The following SORT1 variants were observed in gnomAD, a reference collection of about 807,000 sequenced individuals.
SORT1 encodes sortilin 1.
Under a neutral mutation model 101.7 loss-of-function variants are expected in SORT1, and 39 were observed. The ratio of observed to expected loss-of-function variants is 0.38; its 90% CI spans 0.30 to 0.50. The LOEUF is 0.50. Among genes scored for constraint, SORT1 ranks in the 20% least tolerant of loss-of-function variants. The pLI is 0.90. For synonymous variants in SORT1, 396 were observed against 393.7 expected, an observed-to-expected ratio of 1.01 and a Z score of -0.07; for missense variants, 878 against 1,040.4, an observed-to-expected ratio of 0.84 and a Z score of 2.15.
intron 1 of SORT1, among the ~76,000 whole-genome samples, chr1:109,396,016 C>A (rs1289746115): frequency 1.3e-5 from 2 of 151,960 alleles, no homozygotes; most frequent in Non-Finnish European, 2.9e-5. Flanking sequence ...CCCAGGAGGT[C>A]AGGGCTGCAG....
intron 1 of SORT1, chr1:109,389,836 A>G (rs1210780670): frequency 6.6e-6 from 1 of 152,288 alleles, no homozygotes; most frequent in African/African-American, 2.4e-5. Flanking sequence ...CCGGCCTCTG[A>G]AAGGGGAACT....
Position 109,369,379 on chromosome 1 carries a change from C to T in SORT1, c.366+151G>A. 6.7e-6 allele frequency: 4 copies of T among 600,130 alleles called. No homozygotes were observed. In the South Asian group the frequency reaches 8.3e-5, roughly 13 times the overall value. The allele number at this position is 600,130 out of a possible 1,614,324, so 37.2% of individuals were successfully genotyped here. On this transcript the variant is annotated intron_variant, in intron 2 of 19. Coordinates refer to ENST00000256637, the MANE Select transcript of SORT1 (RefSeq NM_002959.7). ...TAAAGCAAAACCAACACAACTACAACTTCCTGAAAGTCTGTCTTGCAAACA... is the reference window on the plus strand; with the variant it reads ...TAAAGCAAAACCAACACAACTACAATTTCCTGAAAGTCTGTCTTGCAAACA...
intron 1 of SORT1, among the ~76,000 whole-genome samples, chr1:109,377,250 C>T (rs370340622): frequency 2.6e-5 from 4 of 152,266 alleles, no homozygotes; most frequent in African/African-American, 7.2e-5. Context: ...TAATGGCAGA[C>T]GCTATAATTT....
intron 1 of SORT1, among the ~76,000 whole-genome samples, chr1:109,394,141 G>A (rs886911065): frequency 1.3e-5 from 2 of 152,070 alleles, no homozygotes; most frequent in African/African-American, 4.8e-5. Context: ...ATAATTTTTG[G>A]AAAGTTATAA....
In SORT1 at chr1:109,375,460, G is replaced by A. The variant is rs181256754; in HGVS notation, c.307-5871C>T. Among the ~76,000 whole-genome samples, 664 of 144,422 alleles carry A rather than the reference G, an allele frequency of 4.6e-3. 4 individuals are homozygous for A. Among genetic ancestry groups the A allele is most frequent in the African/African-American group, 0.016 (641 of 39,886 alleles). The allele number at this position is 144,422 out of a possible 152,430, so 94.7% of individuals were successfully genotyped here. A position where few individuals can be genotyped will look rare whatever the true frequency, so the allele number is the denominator to read the frequency against. On this transcript the variant is annotated intron_variant, in intron 1 of 19. Transcript: ENST00000256637. ...CGGGAGGCTGAGGCAGGAGAATGGC[G>A]TGAACCCCAGGGGGCGGTGCCTGCA...
In SORT1 at chr1:109,397,571, C is replaced by T. The variant is rs1431059441; in HGVS notation, c.306+16G>A. ...ACCTCGCACCCGAGCGGCTCCCGGG[C>T]CCGGCGCCCGCTCACCTGGTGCGTG... is the stretch of plus-strand genomic sequence containing the variant. On this transcript the variant is annotated intron_variant, in intron 1 of 19. Coordinates refer to ENST00000256637, the MANE Select transcript of SORT1 (RefSeq NM_002959.7). 2.5e-6 allele frequency: 3 copies of T among 1,183,566 alleles called. No individual in the cohort carries two copies. Among genetic ancestry groups the T allele is most frequent in the Non-Finnish European group, 3.1e-6 (3 of 952,768 alleles). 73.3% of individuals were successfully genotyped at this position (1,183,566 alleles called of 1,614,324 possible). A position where few individuals can be genotyped will look rare whatever the true frequency, so the allele number is the denominator to read the frequency against.
intron 1 of SORT1, among the ~76,000 whole-genome samples, chr1:109,389,384 G>A (rs1257212033): frequency 6.6e-6 from 1 of 152,122 alleles, no homozygotes; most frequent in African/African-American, 2.4e-5. Flanking sequence ...TTATAACTGG[G>A]ATCTCATAAC....
chr1:109,331,162 G>A (rs184399480), intron 11 of SORT1, among the ~76,000 whole-genome samples: 3 of 152,188 alleles, frequency 2.0e-5, no homozygotes, highest in Admixed American at 2.0e-4. Flanking sequence ...AAGGACACTA[G>A]AAGAAAACAA....
chr1:109,341,963 C>T (rs1006247780), intron 9 of SORT1, 51 bp downstream of exon 9: 1 of 1,556,920 alleles, frequency 6.4e-7, no homozygotes, highest in African/African-American at 1.4e-5. Flanking sequence ...AAAAGCTGCT[C>T]AAAGCTTACA....
intron 11 of SORT1, among the ~76,000 whole-genome samples, chr1:109,329,744 T>C (rs970083471): frequency 1.3e-5 from 2 of 152,142 alleles, no homozygotes; most frequent in African/African-American, 4.8e-5. Context: ...AAGAAAGAGG[T>C]AGACGACAAT....
At chr1:109,376,015 C>CA (rs1170312273) in intron 1 of SORT1, among the ~76,000 whole-genome samples, 3 of 152,122 alleles carry the variant, frequency 2.0e-5, no homozygotes, top group African/African-American at 7.2e-5. Context: ...AGGGAATGTT[C>CA]AGCCCCTGTG....
chr1:109,329,088 T>C (rs1648276950), intron 11 of SORT1, among the ~76,000 whole-genome samples: 2 of 152,092 alleles, frequency 1.3e-5, no homozygotes, highest in African/African-American at 4.8e-5. Context: ...GCAGAACCTG[T>C]CAGTTGCCCC....
intron 4 of SORT1, 28 bp downstream of exon 4, chr1:109,355,339 G>A (rs768808731): frequency 9.8e-6 from 11 of 1,125,548 alleles, no homozygotes; most frequent in East Asian, 4.7e-5. Context: ...TCAAGCACAA[G>A]CTTTATGTAT....
chr1:109,360,091 AT>A, intron 3 of SORT1, among the ~76,000 whole-genome samples: 1 of 152,334 alleles, frequency 6.6e-6, no homozygotes, highest in South Asian at 2.1e-4. Flanking sequence ...TTATTTAGTT[AT>A]TTTTAAAGAG....
At chr1:109,328,968 T>A (rs533229382) in intron 11 of SORT1, among the ~76,000 whole-genome samples, 1 of 152,280 alleles carries the variant, frequency 6.6e-6, no homozygotes, top group Non-Finnish European at 1.5e-5. Flanking sequence ...GTGTTTCACC[T>A]GAAGACCCAC....
chr1:109,390,881 A>G (rs1318255575), intron 1 of SORT1, among the ~76,000 whole-genome samples: 1 of 152,134 alleles, frequency 6.6e-6, no homozygotes, highest in Non-Finnish European at 1.5e-5. Context: ...CATAAGCCAG[A>G]GAAGGAACAT....
intron 5 of SORT1, among the ~76,000 whole-genome samples, chr1:109,351,974 G>A (rs1649997881): frequency 7.0e-6 from 1 of 142,212 alleles, no homozygotes; most frequent in African/African-American, 2.5e-5. Context: ...GGGTGTGTGT[G>A]TGTGTGTGTG....
At chr1:109,360,546 G>C (rs1650655504) in intron 3 of SORT1, among the ~76,000 whole-genome samples, 1 of 147,522 alleles carries the variant, frequency 6.8e-6, no homozygotes, top group African/African-American at 2.5e-5. Context: ...ATGTTGCCCA[G>C]GCTGGTCTCA....
chr1:109,361,735 G>A (rs1392367450), intron 3 of SORT1, among the ~76,000 whole-genome samples: 1 of 152,024 alleles, frequency 6.6e-6, no homozygotes, highest in Non-Finnish European at 1.5e-5. Context: ...TTCTATATTT[G>A]TAAATTTGTT....
Sources: gnomAD v4.1 joint callset for allele counts (sites outside exome capture counted in the v4.1 genomes callset) on GRCh38, gnomAD v4.1.1 for gene constraint, MANE v1.5 for transcripts, NCBI Gene and HGNC (gene_info 2026-07-23, HGNC 2026-07-21) for gene names.